ZCWPW2: variants seen among roughly 807,000 people sequenced by gnomAD.
ZCWPW2 encodes the protein zinc finger CW-type PWWP domain protein 2.
ZCWPW2 carries 45 observed loss-of-function variants against 46.6 expected under a neutral mutation model. That is an observed-to-expected ratio of 0.96 (90% CI 0.76 to 1.24). The LOEUF (loss-of-function observed/expected upper bound fraction) is 1.24, where lower values mean the gene tolerates loss of function less well. Among genes scored for constraint, ZCWPW2 ranks in the 50% most tolerant of loss-of-function variants. ZCWPW2 has a pLI of 0.00. For missense variants in ZCWPW2, 429 were observed against 403.9 expected, an observed-to-expected ratio of 1.06 and a Z score of -0.53; for synonymous variants, 152 against 137.1, an observed-to-expected ratio of 1.11 and a Z score of -0.76.
intron 4 of ZCWPW2, among the ~76,000 whole-genome samples, chr3:28,462,311 A>C (rs1698670394): frequency 6.6e-6 from 1 of 152,232 alleles, no homozygotes; most frequent in Non-Finnish European, 1.5e-5. Flanking sequence ...CATGCTATCA[A>C]GGCTCCTAGA....
chr3:28,509,623 A>C (rs1457478008), intron 6 of ZCWPW2, among the ~76,000 whole-genome samples: 1 of 152,144 alleles, frequency 6.6e-6, no homozygotes, highest in Non-Finnish European at 1.5e-5. Context: ...GGCTGTTTAT[A>C]CATCTTCTTT....
chr3:28,384,604 ATCTT>A (rs1413957996), intron 1 of ZCWPW2, among the ~76,000 whole-genome samples: 85 of 149,200 alleles, frequency 5.7e-4, no homozygotes, highest in Middle Eastern at 3.5e-3. Context: ...AAGTTGACCA[ATCTT>A]TCTTTCTTTT....
chr3:28,381,193 C>T (rs930065720), intron 1 of ZCWPW2, among the ~76,000 whole-genome samples: 7 of 149,846 alleles, frequency 4.7e-5, no homozygotes, highest in Non-Finnish European at 7.4e-5. Context: ...CATTTGTCCT[C>T]CTCAAAGTTC....
chr3:28,433,130 C>T (rs1697338145), intron 3 of ZCWPW2, among the ~76,000 whole-genome samples: 1 of 152,044 alleles, frequency 6.6e-6, no homozygotes. Context: ...CACACATACT[C>T]CCTACACTAT....
At chr3:28,523,418 G>A (rs913804813) in intron 9 of ZCWPW2, among the ~76,000 whole-genome samples, 17 of 152,138 alleles carry the variant, frequency 1.1e-4, no homozygotes, top group African/African-American at 4.1e-4. Flanking sequence ...TTTATTTATT[G>A]TTATTAGAAA....
chr3:28,476,979 C>T (rs1056256095), intron 4 of ZCWPW2, among the ~76,000 whole-genome samples: 1 of 152,080 alleles, frequency 6.6e-6, no homozygotes, highest in African/African-American at 2.4e-5. Context: ...CTTGCTGTGC[C>T]GCCCAGTTCC....
At chr3:28,491,547 CA>C (rs1477163897) in intron 5 of ZCWPW2, among the ~76,000 whole-genome samples, 5 of 151,932 alleles carry the variant, frequency 3.3e-5, no homozygotes, top group African/African-American at 9.7e-5. Flanking sequence ...GCACTGTTGG[CA>C]GCTCAGTGGT....
chr3:28,421,795 G>T (rs999966635), intron 3 of ZCWPW2, among the ~76,000 whole-genome samples: 1 of 150,090 alleles, frequency 6.7e-6, no homozygotes, highest in Non-Finnish European at 1.5e-5. Flanking sequence ...AGAAATGAAT[G>T]TGCTTCATCT....
chr3:28,484,245 G>C (rs1699521395), intron 5 of ZCWPW2, among the ~76,000 whole-genome samples: 1 of 151,672 alleles, frequency 6.6e-6, no homozygotes, highest in South Asian at 2.1e-4. Flanking sequence ...CTGTTGATGT[G>C]ATTAATTGAT....
intron 4 of ZCWPW2, among the ~76,000 whole-genome samples, chr3:28,467,284 C>CAA (rs1389235087): frequency 6.7e-6 from 1 of 149,624 alleles, no homozygotes; most frequent in Non-Finnish European, 1.5e-5. Context: ...TACTAAAATA[C>CAA]AAACTACAAA....
chr3:28,413,372 G>C lies in ZCWPW2; in HGVS notation c.304G>C (p.Val102Leu), dbSNP rs376556276. 6 of 1,608,554 alleles carry C rather than the reference G, an allele frequency of 3.7e-6. No homozygotes were observed. The African/African-American group carries it at 6.7e-5, about 18-fold the overall frequency. The change falls in exon 3 of 10, where the codon GTT becomes CTT. Residue 102 changes from valine (V) to leucine (L), a missense_variant. Transcript: ENST00000383768. ...VYSQLPLGSLVLVKLQNWPSW... is the reference protein window; with the variant it reads ...VYSQLPLGSLLLVKLQNWPSW... ...TTCACAGCTCCCTCTTGGAAGCCTGGTTTTGGTAAAATTACAGAATTGGCC... is the reference window on the plus strand; with the variant it reads ...TTCACAGCTCCCTCTTGGAAGCCTGCTTTTGGTAAAATTACAGAATTGGCC...
chr3:28,437,766 A>T (rs1034117094), intron 4 of ZCWPW2, among the ~76,000 whole-genome samples: 2 of 152,210 alleles, frequency 1.3e-5, no homozygotes, highest in African/African-American at 4.8e-5. Context: ...ATCAGTATCT[A>T]TAAACATAGC....
intron 4 of ZCWPW2, among the ~76,000 whole-genome samples, chr3:28,448,784 C>CAAAAAAAAAAAAAAAAAAAAAAAAAAA (rs576935771): frequency 1.5e-5 from 1 of 65,334 alleles, no homozygotes; most frequent in Non-Finnish European, 2.9e-5. Context: ...GACTCTGTCT[C>CAAAAAAAAAAAAAAAAAAAAAAAAAAA]AAAAAAAAAA....
chr3:28,435,247 G>C lies in ZCWPW2; in HGVS notation c.470G>C (p.Gly157Ala). 1 of 1,612,314 alleles carries C rather than the reference G, an allele frequency of 6.2e-7. No individual in the cohort carries two copies. Among genetic ancestry groups the C allele is most frequent in the Non-Finnish European group, 8.5e-7 (1 of 1,179,670 alleles). Reference sequence around the variant, plus strand: ...TCATGGATAAAGGCAACATTCGTTGGACATTATAGTATCACATTAAAGGTA... The same window carrying C: ...TCATGGATAAAGGCAACATTCGTTGCACATTATAGTATCACATTAAAGGTA... ...SRSWIKATFVGHYSITLKPEK... is the reference protein window; with the variant it reads ...SRSWIKATFVAHYSITLKPEK... Residue 157 changes from glycine to alanine, a missense_variant, in exon 4 of 10, where the codon GGA becomes GCA. By Grantham distance (60) the Gly-to-Ala change is moderately conservative. Transcript: ENST00000383768.
chr3:28,463,389 G>A (rs897042329), intron 4 of ZCWPW2, among the ~76,000 whole-genome samples: 2 of 151,906 alleles, frequency 1.3e-5, no homozygotes, highest in Non-Finnish European at 2.9e-5. Flanking sequence ...TTATAAGCTA[G>A]GTTCTTGGAA....
rs142954050 is a variant in ZCWPW2 at position 28,388,193 on chromosome 3, A to T, written c.-133-2305A>T. On this transcript the variant is annotated intron_variant, in intron 1 of 9. Coordinates refer to ENST00000383768, the MANE Select transcript of ZCWPW2 (RefSeq NM_001040432.4). The stretch of plus-strand genomic sequence containing the variant: ...TACATTGTGGAAGACAACCTGCTTG[A>T]CTCAGAGTTCACTGATTTTAGTGCT... Among the ~76,000 whole-genome samples, 33 of 152,218 alleles carry T rather than the reference A, an allele frequency of 2.2e-4. 1 individual carries two copies. The highest frequency in any genetic ancestry group is 7.5e-4 in the African/African-American group (31 of 41,524).
At chr3:28,373,961 T>C (rs975236319) in intron 1 of ZCWPW2, among the ~76,000 whole-genome samples, 1 of 152,242 alleles carries the variant, frequency 6.6e-6, no homozygotes, top group Admixed American at 6.5e-5. Context: ...CTCTTCACTT[T>C]GTTGATTGCC....
At chr3:28,474,614 TGTGTGTGC>T (rs1411600300) in intron 4 of ZCWPW2, among the ~76,000 whole-genome samples, 8 of 149,436 alleles carry the variant, frequency 5.4e-5, no homozygotes, top group Non-Finnish European at 1.0e-4. Flanking sequence ...TGTGTGTGTG[TGTGTGTGC>T]GCGCGCGCGC....
At chr3:28,383,593 A>G (rs1695172509) in intron 1 of ZCWPW2, among the ~76,000 whole-genome samples, 1 of 151,892 alleles carries the variant, frequency 6.6e-6, no homozygotes, top group African/African-American at 2.4e-5. Context: ...AAAAAAATCT[A>G]GAAGATAAGA....
Sources: gnomAD v4.1 joint callset for allele counts (sites outside exome capture counted in the v4.1 genomes callset) on GRCh38, gnomAD v4.1.1 for gene constraint, MANE v1.5 for transcripts, NCBI Gene and HGNC (gene_info 2026-07-23, HGNC 2026-07-21) for gene names.